Variants in FGF10 observed in about 807,000 individuals in gnomAD.
FGF10 encodes the protein fibroblast growth factor 10.
Under a neutral mutation model 19.8 loss-of-function variants are expected in FGF10, and 2 were observed. The ratio of observed to expected loss-of-function variants is 0.10; its 90% confidence interval spans 0.04 to 0.32. The LOEUF (loss-of-function observed/expected upper bound fraction) is 0.32. Ranked by LOEUF, FGF10 falls within the 10% of genes least tolerant of loss-of-function variation. The pLI is 1.00. For synonymous variants in FGF10, 112 were observed against 94.0 expected (o/e 1.19, Z -1.10); for missense variants, 191 against 246.3 (o/e 0.78, Z 1.50).
At chr5:44,387,146 G>T (rs1433220707) in intron 1 of FGF10, among the ~76,000 whole-genome samples, 1 of 152,118 alleles carries the variant, frequency 6.6e-6, no homozygotes, top group Non-Finnish European at 1.5e-5. Context: ...ACAGAGCCTT[G>T]GGTTCCTTTC....
At chr5:44,364,029 A>G (rs1741549502) in intron 1 of FGF10, among the ~76,000 whole-genome samples, 1 of 151,866 alleles carries the variant, frequency 6.6e-6, no homozygotes, top group Admixed American at 6.6e-5. Context: ...ACCATAAAAA[A>G]AGAAAGAAAA....
chr5:44,368,165 A>G (rs995463315), intron 1 of FGF10, among the ~76,000 whole-genome samples: 1 of 152,082 alleles, frequency 6.6e-6, no homozygotes, highest in African/African-American at 2.4e-5. Flanking sequence ...ACTAATAAGG[A>G]CATGAGAGGG....
intron 1 of FGF10, among the ~76,000 whole-genome samples, chr5:44,321,368 A>C (rs189385906): frequency 6.6e-6 from 1 of 152,320 alleles, no homozygotes; most frequent in Non-Finnish European, 1.5e-5. Context: ...TGCTTGTTTT[A>C]GTGCAATATA....
intron 1 of FGF10, among the ~76,000 whole-genome samples, chr5:44,363,734 G>T (rs776775036): frequency 1.3e-5 from 2 of 151,810 alleles, no homozygotes; most frequent in African/African-American, 4.8e-5. Context: ...CCTGGTATTT[G>T]TCCTATGTCA....
chr5:44,314,887 A>G (rs1449022137), intron 1 of FGF10, among the ~76,000 whole-genome samples: 2 of 152,164 alleles, frequency 1.3e-5, no homozygotes, highest in African/African-American at 4.8e-5. Flanking sequence ...ACACAAAAGG[A>G]GAAAGTATAT....
intron 1 of FGF10, among the ~76,000 whole-genome samples, chr5:44,349,868 G>A (rs1477041363): frequency 1.3e-5 from 2 of 151,134 alleles, no homozygotes; most frequent in African/African-American, 4.8e-5. Flanking sequence ...GTTATGAAAA[G>A]TCTAAGTCTC....
At chr5:44,334,736 T>C (rs1251558467) in intron 1 of FGF10, among the ~76,000 whole-genome samples, 1 of 152,148 alleles carries the variant, frequency 6.6e-6, no homozygotes, top group Admixed American at 6.5e-5. Context: ...AAAAAAATGA[T>C]ACTATTGCAG....
At chr5:44,333,350 T>G (rs180895030) in intron 1 of FGF10, among the ~76,000 whole-genome samples, 4 of 152,098 alleles carry the variant, frequency 2.6e-5, no homozygotes, top group Non-Finnish European at 5.9e-5. Flanking sequence ...ACCTGTATGT[T>G]CAAAGCACTG....
intron 1 of FGF10, among the ~76,000 whole-genome samples, chr5:44,315,479 G>C (rs893515012): frequency 3.7e-4 from 57 of 152,124 alleles, no homozygotes; most frequent in Non-Finnish European, 3.8e-4. Flanking sequence ...AAAACTAAAG[G>C]TTCTGCTTCA....
intron 1 of FGF10, among the ~76,000 whole-genome samples, chr5:44,346,004 A>G (rs925593280): frequency 6.6e-6 from 1 of 151,766 alleles, no homozygotes; most frequent in Non-Finnish European, 1.5e-5. Flanking sequence ...GCCTTGACCT[A>G]TTCTCTAACC....
intron 1 of FGF10, among the ~76,000 whole-genome samples, chr5:44,377,903 G>A (rs1456557126): frequency 1.3e-5 from 2 of 152,296 alleles, no homozygotes; most frequent in East Asian, 1.9e-4. Context: ...CCATCAGAAA[G>A]CAAAGATGTC....
intron 1 of FGF10, among the ~76,000 whole-genome samples, chr5:44,367,071 A>C (rs553718814): frequency 7.3e-4 from 111 of 152,232 alleles, no homozygotes; most frequent in African/African-American, 2.6e-3. Context: ...AGAAGGTTAA[A>C]AATCTTTGAT....
chr5:44,350,426 A>G (rs1313970862), intron 1 of FGF10, among the ~76,000 whole-genome samples: 1 of 150,810 alleles, frequency 6.6e-6, no homozygotes, highest in Non-Finnish European at 1.5e-5. Flanking sequence ...AATTCACCAA[A>G]ATAGAACAAC....
At chr5:44,386,836 G>A (rs1037296742) in intron 1 of FGF10, among the ~76,000 whole-genome samples, 2 of 152,154 alleles carry the variant, frequency 1.3e-5, no homozygotes, top group African/African-American at 2.4e-5. Flanking sequence ...GAATGTGTGT[G>A]CATCCCCACA....
chr5:44,318,495 T>C (rs776717347), intron 1 of FGF10, among the ~76,000 whole-genome samples: 1 of 152,174 alleles, frequency 6.6e-6, no homozygotes, highest in Non-Finnish European at 1.5e-5. Flanking sequence ...TCTTATCTAA[T>C]GCATTTCATA....
At chr5:44,374,810 C>T (rs1398214939) in intron 1 of FGF10, among the ~76,000 whole-genome samples, 4 of 152,088 alleles carry the variant, frequency 2.6e-5, no homozygotes, top group Non-Finnish European at 5.9e-5. Context: ...AATTTTTAAT[C>T]CCCACTGAAT....
intron 1 of FGF10, among the ~76,000 whole-genome samples, chr5:44,353,164 C>T (rs1741272829): frequency 6.6e-6 from 1 of 151,556 alleles, no homozygotes; most frequent in Non-Finnish European, 1.5e-5. Context: ...TGAACACTTT[C>T]TTCTTAGTTA....
rs1286854306 is a variant in FGF10, at chr5:44,376,508, AAAAAAAAAAC to A, written c.325+11840_325+11849del. Among the ~76,000 whole-genome samples the A allele has an allele frequency of 1.4e-3, 208 of 143,542 alleles. 2 individuals are homozygous for A. Among genetic ancestry groups the A allele is most frequent in the African/African-American group, 4.5e-3 (178 of 39,192 alleles). 94.2% of individuals were successfully genotyped at this position (143,542 alleles called of 152,430 possible). ...CAAATGCCAAAAAAAAAAAAAAAAAAAAAAAAAAACAAAAAACCCACAACTAGAGCAAGAA... is the reference window on the plus strand; with the variant it reads ...CAAATGCCAAAAAAAAAAAAAAAAAAAAAAAACCCACAACTAGAGCAAGAA... On this transcript the variant is annotated intron_variant, in intron 1 of 2. Coordinates refer to ENST00000264664, the MANE Select transcript of FGF10 (RefSeq NM_004465.2).
chr5:44,386,548 A>G (rs538540084), intron 1 of FGF10, among the ~76,000 whole-genome samples: 2 of 152,186 alleles, frequency 1.3e-5, no homozygotes, highest in Non-Finnish European at 2.9e-5. Context: ...AAGTAAATAA[A>G]GTTTTTAAAT....
Sources: gnomAD v4.1 joint callset for allele counts (sites outside exome capture counted in the v4.1 genomes callset) on GRCh38, gnomAD v4.1.1 for gene constraint, MANE v1.5 for transcripts, NCBI Gene and HGNC (gene_info 2026-07-23, HGNC 2026-07-21) for gene names.